The following TAFA5 variants were observed in gnomAD, a reference collection of about 807,000 sequenced individuals.
TAFA5 encodes TAFA chemokine like family member 5, also known as chemokine-like protein TAFA-5.
Under a neutral mutation model 15.3 loss-of-function variants are expected in TAFA5, and 6 were observed. That is an observed-to-expected ratio of 0.39 (90% CI 0.21 to 0.77). The LOEUF (loss-of-function observed/expected upper bound fraction) is 0.77. Among genes scored for constraint, TAFA5 ranks in the 30% least tolerant of loss-of-function variants. TAFA5 has a pLI of 0.41. For missense variants in TAFA5, 161 were observed against 193.1 expected (o/e 0.83, Z 0.98); for synonymous variants, 103 against 80.7 (o/e 1.28, Z -1.48).
At chr22:48,716,179 T>C (rs548244253) in intron 3 of TAFA5, among the ~76,000 whole-genome samples, 2 of 152,332 alleles carry the variant, frequency 1.3e-5, no homozygotes, top group East Asian at 3.9e-4. Flanking sequence ...TCAGGTAACA[T>C]GATGCCTCCA....
intron 1 of TAFA5, among the ~76,000 whole-genome samples, chr22:48,632,609 G>A (rs1203150574): frequency 1.3e-5 from 2 of 152,184 alleles, no homozygotes; most frequent in East Asian, 1.9e-4. Context: ...TGAGCACCCT[G>A]GGTGTTGAAG....
Position 48,609,337 on chromosome 22 carries a change from C to T in TAFA5, c.113-37260C>T, listed in dbSNP as rs148231317. On this transcript the variant is annotated intron_variant, in intron 1 of 3. Transcript: ENST00000402357. ...GAGTTAAGAGACCTTCGTGGACGCTCGGCCAGGCAGCTGCCTAGTCCGAGA... is the reference window on the plus strand; with the variant it reads ...GAGTTAAGAGACCTTCGTGGACGCTTGGCCAGGCAGCTGCCTAGTCCGAGA... Among the ~76,000 whole-genome samples, 1,101 of 152,312 alleles carry T rather than the reference C, an allele frequency of 7.2e-3. 12 individuals carry two copies. The highest frequency in any genetic ancestry group is 0.025 in the African/African-American group (1,028 of 41,566).
intron 1 of TAFA5, among the ~76,000 whole-genome samples, chr22:48,620,636 T>TATCCACCCACCCACCATCCCCCATCCG (rs1925771879): frequency 9.2e-6 from 1 of 109,088 alleles, no homozygotes; most frequent in East Asian, 2.6e-4. Flanking sequence ...TCCCCCATCC[T>TATCCACCCACCCACCATCCCCCATCCG]ATCCACCCAC....
At chr22:48,520,681 C>T (rs986128282) in intron 1 of TAFA5, among the ~76,000 whole-genome samples, 8 of 152,084 alleles carry the variant, frequency 5.3e-5, no homozygotes, top group African/African-American at 1.9e-4. Flanking sequence ...CCGGGGGTGG[C>T]CTGACTTGGC....
At chr22:48,523,996 C>T (rs133491) in intron 1 of TAFA5, among the ~76,000 whole-genome samples, 38,829 of 152,180 alleles carry the variant, frequency 0.26, 5,380 homozygotes, top group Middle Eastern at 0.3. Flanking sequence ...CCAACCTGCC[C>T]CGGGGCCGGG....
chr22:48,584,284 C>A (rs375174625), intron 1 of TAFA5, among the ~76,000 whole-genome samples: 39 of 148,030 alleles, frequency 2.6e-4, no homozygotes, highest in African/African-American at 1.5e-4. Flanking sequence ...CACACACACA[C>A]CACACACAGC....
chr22:48,495,535 G>T (rs942410765), intron 1 of TAFA5, among the ~76,000 whole-genome samples: 1 of 152,140 alleles, frequency 6.6e-6, no homozygotes, highest in Admixed American at 6.5e-5. Flanking sequence ...TCTGGATCTG[G>T]TTTCCATCTG....
intron 2 of TAFA5, chr22:48,693,320 G>A (rs1928600499): frequency 1.1e-5 from 18 of 1,611,284 alleles, no homozygotes; most frequent in Non-Finnish European, 1.5e-5. Flanking sequence ...GTAATTGAAA[G>A]GAAGAGGGAA....
At chr22:48,709,891 C>T (rs1031272323) in intron 3 of TAFA5, among the ~76,000 whole-genome samples, 4 of 152,282 alleles carry the variant, frequency 2.6e-5, no homozygotes, top group Non-Finnish European at 4.4e-5. Context: ...TTGTCAGGAA[C>T]AGGATTGGGT....
chr22:48,519,301 C>T (rs377292164), intron 1 of TAFA5, among the ~76,000 whole-genome samples: 56 of 152,376 alleles, frequency 3.7e-4, no homozygotes, highest in African/African-American at 1.3e-3. Context: ...CCCGCGTCTT[C>T]CCTTTGAGGA....
At chr22:48,556,727 G>A (rs1923052802) in intron 1 of TAFA5, among the ~76,000 whole-genome samples, 1 of 152,186 alleles carries the variant, frequency 6.6e-6, no homozygotes, top group Non-Finnish European at 1.5e-5. Context: ...AGGCAGACAG[G>A]GATGTGGGGT....
intron 3 of TAFA5, among the ~76,000 whole-genome samples, chr22:48,711,215 C>G (rs1013054655): frequency 6.6e-6 from 1 of 152,164 alleles, no homozygotes; most frequent in African/African-American, 2.4e-5. Context: ...CACCCTGATT[C>G]TTCTAGAGAG....
chr22:48,601,696 G>A (rs1194371844), intron 1 of TAFA5, among the ~76,000 whole-genome samples: 1 of 152,148 alleles, frequency 6.6e-6, no homozygotes, highest in Non-Finnish European at 1.5e-5. Flanking sequence ...ATTCTGTGAA[G>A]TTTTCCCCAG....
intron 2 of TAFA5, among the ~76,000 whole-genome samples, chr22:48,682,589 A>AT (rs1369738664): frequency 6.6e-6 from 1 of 152,246 alleles, no homozygotes; most frequent in Admixed American, 6.5e-5. Context: ...CGTCATTTGC[A>AT]TATAACCCAG....
chr22:48,699,863 G>GCACACACAGTGTGGCCCTGGGTGCAC (rs1164509624), intron 2 of TAFA5, among the ~76,000 whole-genome samples: 3 of 152,112 alleles, frequency 2.0e-5, no homozygotes, highest in Admixed American at 2.0e-4. Context: ...AAGGCGGGAA[G>GCACACACAGTGTGGCCCTGGGTGCAC]CACACACAGT....
intron 3 of TAFA5, among the ~76,000 whole-genome samples, chr22:48,740,311 G>A (rs767885714): frequency 2.0e-5 from 3 of 152,188 alleles, no homozygotes; most frequent in Non-Finnish European, 2.9e-5. Context: ...TGGGGCAGAC[G>A]AGCTGGTCGC....
At chr22:48,745,549 G>C (rs12169553) in intron 3 of TAFA5, among the ~76,000 whole-genome samples, 1 of 151,476 alleles carries the variant, frequency 6.6e-6, no homozygotes, top group African/African-American at 2.4e-5. Flanking sequence ...TGGCCTGTCC[G>C]GGGTTCACCC....
Position 48,511,361 on chromosome 22 carries a change from TTCC to T in TAFA5, c.112+21678_112+21680del, listed in dbSNP as rs569747187. 4.9e-4 allele frequency among the ~76,000 whole-genome samples: 75 copies of T among 151,752 alleles called. 1 individual carries two copies. The highest frequency in any genetic ancestry group is 2.7e-4 in the Non-Finnish European group (18 of 67,836). On this transcript the variant is annotated intron_variant, in intron 1 of 3. Coordinates refer to ENST00000402357, the MANE Select transcript of TAFA5 (RefSeq NM_001082967.3). Reference sequence around the variant, plus strand: ...TCAGGTGGCTGACGCTTCCCAGAGCTTCCTCCTCCTCCTCCTCCTCCTCACTGT... The same window carrying T: ...TCAGGTGGCTGACGCTTCCCAGAGCTTCCTCCTCCTCCTCCTCCTCACTGT...
intron 1 of TAFA5, among the ~76,000 whole-genome samples, chr22:48,586,514 A>G (rs1394649231): frequency 6.6e-6 from 1 of 152,250 alleles, no homozygotes; most frequent in Non-Finnish European, 1.5e-5. Context: ...AGATGGCCCC[A>G]GCAGTGACCT....
Sources: allele counts gnomAD v4.1 joint callset (sites outside exome capture counted in the v4.1 genomes callset), GRCh38; gene constraint gnomAD v4.1.1; transcripts MANE v1.5; gene names NCBI Gene and HGNC (gene_info 2026-07-23, HGNC 2026-07-21).